Variants in PPM1H observed in about 807,000 individuals in gnomAD.
PPM1H encodes the protein protein phosphatase, Mg2+/Mn2+ dependent 1H, also known as protein phosphatase 1H.
A neutral mutation model predicts 54.9 loss-of-function variants in PPM1H; 27 were observed. That is an observed-to-expected ratio of 0.49 (90% CI 0.36 to 0.68). The LOEUF (loss-of-function observed/expected upper bound fraction) is 0.68. Among genes scored for constraint, PPM1H ranks in the 30% least tolerant of loss-of-function variants. The pLI, the probability that PPM1H is intolerant of heterozygous loss-of-function variation, is 0.00. For missense variants in PPM1H, 596 were observed against 667.8 expected (o/e 0.89, Z 1.19); for synonymous variants, 305 against 270.8 (o/e 1.13, Z -1.24).
intron 9 of PPM1H, 71 bp downstream of exon 9, chr12:62,667,107 G>T: frequency 6.9e-7 from 1 of 1,447,426 alleles, no homozygotes; most frequent in Non-Finnish European, 9.5e-7. Context: ...AAAATTGCAT[G>T]ATTATTAATT....
chr12:62,773,516 G>A (rs774110550), intron 4 of PPM1H, among the ~76,000 whole-genome samples: 1 of 152,026 alleles, frequency 6.6e-6, no homozygotes, highest in Non-Finnish European at 1.5e-5. Context: ...AAAATAAAGG[G>A]ATGAAAGAAT....
chr12:62,909,638 C>G (rs887181824), intron 1 of PPM1H, among the ~76,000 whole-genome samples: 1 of 152,216 alleles, frequency 6.6e-6, no homozygotes, highest in Non-Finnish European at 1.5e-5. Context: ...CTCTGACACT[C>G]TCTGTGAAGG....
intron 9 of PPM1H, among the ~76,000 whole-genome samples, chr12:62,657,216 C>G (rs2075849831): frequency 6.6e-6 from 1 of 152,176 alleles, no homozygotes; most frequent in Non-Finnish European, 1.5e-5. Flanking sequence ...CCTGCCAGGC[C>G]TCATCCACCT....
At chr12:62,912,917 T>C (rs981393963) in intron 1 of PPM1H, among the ~76,000 whole-genome samples, 2 of 152,226 alleles carry the variant, frequency 1.3e-5, no homozygotes, top group Non-Finnish European at 2.9e-5. Flanking sequence ...AGTTTGTAGA[T>C]GATTCCACAG....
chr12:62,842,509 C>A (rs1479532691), intron 1 of PPM1H, among the ~76,000 whole-genome samples: 1 of 152,168 alleles, frequency 6.6e-6, no homozygotes, highest in African/African-American at 2.4e-5. Flanking sequence ...AAAACATATA[C>A]ATTTTTAATT....
chr12:62,816,932 A>G (rs1200893176), intron 2 of PPM1H, among the ~76,000 whole-genome samples: 1 of 151,620 alleles, frequency 6.6e-6, no homozygotes, highest in Non-Finnish European at 1.5e-5. Flanking sequence ...CTCAGCTACT[A>G]TGTACATTTT....
At chr12:62,727,284 G>A (rs114627725) in intron 5 of PPM1H, among the ~76,000 whole-genome samples, 1 of 152,110 alleles carries the variant, frequency 6.6e-6, no homozygotes, top group Non-Finnish European at 1.5e-5. Flanking sequence ...TGCTGAGTAA[G>A]TATTTGCTAA....
At chr12:62,703,989 TGTGTGTG>T (rs1283279445) in intron 6 of PPM1H, among the ~76,000 whole-genome samples, 1 of 151,084 alleles carries the variant, frequency 6.6e-6, no homozygotes, top group African/African-American at 2.4e-5. Flanking sequence ...TGTGTGTGTG[TGTGTGTG>T]TGTGTGTGTG....
rs114515351 is a variant in PPM1H at position 62,752,301 on chromosome 12, G to A, written c.870-14715C>T. ...AGAATAGTAATTTACTTGGAACTTC[G>A]TTATTTTTGTGTAATGATAAATGTC... On this transcript the variant is annotated intron_variant, in intron 4 of 9. Coordinates refer to ENST00000228705, the MANE Select transcript of PPM1H (RefSeq NM_020700.2). Among the ~76,000 whole-genome samples the A allele has an allele frequency of 3.6e-3, 555 of 152,210 alleles. 1 individual carries two copies. Among genetic ancestry groups the A allele is most frequent in the African/African-American group, 0.012 (519 of 41,540 alleles).
At chr12:62,784,451 T>A (rs970892689) in intron 4 of PPM1H, among the ~76,000 whole-genome samples, 1 of 152,210 alleles carries the variant, frequency 6.6e-6, no homozygotes, top group Admixed American at 6.5e-5. Flanking sequence ...GCAAAGCTTC[T>A]CTTTTCCTGA....
chr12:62,729,917 G>A (rs1037431207), intron 5 of PPM1H, among the ~76,000 whole-genome samples: 2 of 152,026 alleles, frequency 1.3e-5, no homozygotes, highest in East Asian at 1.9e-4. Context: ...CCAGATGGCC[G>A]GTTCCTGCCT....
At chr12:62,865,121 T>C (rs1381256553) in intron 1 of PPM1H, among the ~76,000 whole-genome samples, 1 of 152,180 alleles carries the variant, frequency 6.6e-6, no homozygotes, top group Non-Finnish European at 1.5e-5. Flanking sequence ...TCTCTCCAAT[T>C]AAGAGTGAAG....
intron 8 of PPM1H, among the ~76,000 whole-genome samples, chr12:62,683,837 C>T: frequency 6.6e-6 from 1 of 152,138 alleles, no homozygotes; most frequent in East Asian, 1.9e-4. Flanking sequence ...TAAGAAGAAT[C>T]CTAGCTCTAC....
At chr12:62,653,608 A>G (rs1439254213) in intron 9 of PPM1H, among the ~76,000 whole-genome samples, 1 of 152,168 alleles carries the variant, frequency 6.6e-6, no homozygotes, top group Non-Finnish European at 1.5e-5. Context: ...GTATTTGGTT[A>G]TTCTTTTTCA....
chr12:62,809,695 A>G (rs1395964969), intron 2 of PPM1H, among the ~76,000 whole-genome samples: 1 of 152,208 alleles, frequency 6.6e-6, no homozygotes, highest in Non-Finnish European at 1.5e-5. Context: ...CAGAATCTTC[A>G]GTTACTCCCT....
chr12:62,803,660 T>C (rs1319616773), intron 2 of PPM1H, among the ~76,000 whole-genome samples: 1 of 152,158 alleles, frequency 6.6e-6, no homozygotes, highest in African/African-American at 2.4e-5. Context: ...TTAGATATGA[T>C]ACCCAAAGCA....
chr12:62,904,326 C>G (rs977302755), intron 1 of PPM1H, among the ~76,000 whole-genome samples: 38 of 152,126 alleles, frequency 2.5e-4, no homozygotes, highest in African/African-American at 8.7e-4. Flanking sequence ...GCAACCTCCA[C>G]CTCCCAGGCT....
At chr12:62,896,984 G>A (rs1308653280) in intron 1 of PPM1H, among the ~76,000 whole-genome samples, 1 of 151,636 alleles carries the variant, frequency 6.6e-6, no homozygotes, top group African/African-American at 2.4e-5. Context: ...ATCATTTTGA[G>A]CAAACTATCA....
At chr12:62,666,661 C>T (rs1489947460) in intron 9 of PPM1H, among the ~76,000 whole-genome samples, 1 of 152,156 alleles carries the variant, frequency 6.6e-6, no homozygotes, top group Non-Finnish European at 1.5e-5. Flanking sequence ...AAATTCTTTA[C>T]CACTTGTATC....
Sources: allele counts gnomAD v4.1 joint callset (sites outside exome capture counted in the v4.1 genomes callset), GRCh38; gene constraint gnomAD v4.1.1; transcripts MANE v1.5; gene names NCBI Gene and HGNC (gene_info 2026-07-23, HGNC 2026-07-21).